Variants in BBS9 observed in about 807,000 individuals in gnomAD.
BBS9 encodes Bardet-Biedl syndrome 9, also known as protein PTHB1.
In BBS9, 89 loss-of-function variants were observed where a neutral mutation model predicts 117.7. The observed-to-expected ratio is 0.76, with a 90% CI of 0.64 to 0.90. The LOEUF (loss-of-function observed/expected upper bound fraction) is 0.90, where lower values mean the gene tolerates loss of function less well. Ranked by LOEUF, BBS9 falls within the 40% of genes least tolerant of loss-of-function variation. The probability of loss-of-function intolerance (pLI) is 0.00; values close to 1 mark genes in which losing one functional copy is unlikely to be tolerated. For synonymous variants in BBS9, 379 were observed against 370.9 expected (o/e 1.02, Z -0.25); for missense variants, 982 against 1,042.2 (o/e 0.94, Z 0.80).
intron 9 of BBS9, among the ~76,000 whole-genome samples, chr7:33,292,722 A>C (rs1455760789): frequency 6.6e-6 from 1 of 152,056 alleles, no homozygotes; most frequent in Non-Finnish European, 1.5e-5. Flanking sequence ...TATAGAAAAA[A>C]GTTGGCCGGG....
intron 21 of BBS9, among the ~76,000 whole-genome samples, chr7:33,539,002 G>A (rs1420627665): frequency 1.3e-5 from 2 of 152,302 alleles, no homozygotes; most frequent in East Asian, 1.9e-4. Context: ...AAAATGCTTA[G>A]CAAGTACCTG....
At chr7:33,466,520 G>GTA (rs1487281341) in intron 19 of BBS9, among the ~76,000 whole-genome samples, 2 of 152,072 alleles carry the variant, frequency 1.3e-5, no homozygotes, top group Non-Finnish European at 2.9e-5. Flanking sequence ...GTATGTGTGT[G>GTA]TATATATATG....
chr7:33,554,629 A>G (rs770723431), intron 21 of BBS9, among the ~76,000 whole-genome samples: 2 of 151,956 alleles, frequency 1.3e-5, no homozygotes, highest in Non-Finnish European at 2.9e-5. Context: ...AGAATCGAAG[A>G]CTCAGTTTTG....
At chr7:33,351,172 A>G (rs1368126145) in intron 13 of BBS9, 47 bp from the exon 14 acceptor site, 1 of 1,293,708 alleles carries the variant, frequency 7.7e-7, no homozygotes, top group Non-Finnish European at 1.1e-6. Flanking sequence ...TGTTAATAAC[A>G]GTTGCCCCAA....
intron 19 of BBS9, among the ~76,000 whole-genome samples, chr7:33,493,629 G>A (rs772661418): frequency 6.6e-6 from 1 of 152,154 alleles, no homozygotes; most frequent in Non-Finnish European, 1.5e-5. Flanking sequence ...TGTCCTTTAG[G>A]TAGTAGACTA....
chr7:33,295,360 A>G (rs559872890), intron 9 of BBS9, among the ~76,000 whole-genome samples: 2 of 152,218 alleles, frequency 1.3e-5, no homozygotes, highest in African/African-American at 4.8e-5. Flanking sequence ...AACTTCAAAG[A>G]CTACAGATTA....
chr7:33,133,792 G>T (rs35195868), intron 1 of BBS9, among the ~76,000 whole-genome samples: 24,022 of 152,112 alleles, frequency 0.16, 2,076 homozygotes, highest in South Asian at 0.21. Context: ...ATGCACATAT[G>T]TTTTCATTGC....
intron 19 of BBS9, among the ~76,000 whole-genome samples, chr7:33,435,743 A>T (rs900642595): frequency 1.3e-5 from 2 of 152,210 alleles, no homozygotes; most frequent in African/African-American, 4.8e-5. Context: ...TGCATATTTT[A>T]TGGAGATATA....
intron 19 of BBS9, among the ~76,000 whole-genome samples, chr7:33,495,301 A>T (rs1844557505): frequency 6.6e-6 from 1 of 152,156 alleles, no homozygotes; most frequent in South Asian, 2.1e-4. Context: ...TACCTTAGCT[A>T]AAGGAATGCT....
intron 5 of BBS9, among the ~76,000 whole-genome samples, chr7:33,222,944 C>A (rs563656575): frequency 2.0e-5 from 3 of 149,742 alleles, no homozygotes; most frequent in South Asian, 2.1e-4. Context: ...CAGAGCAAGA[C>A]CCTGTCTCAA....
At chr7:33,443,880 C>T (rs957561430) in intron 19 of BBS9, among the ~76,000 whole-genome samples, 2 of 152,128 alleles carry the variant, frequency 1.3e-5, no homozygotes, top group South Asian at 4.1e-4. Context: ...TTATGAGTTA[C>T]CGAAACAGGG....
chr7:33,621,470 A>T (rs939284618), intron 21 of BBS9, among the ~76,000 whole-genome samples: 1 of 152,186 alleles, frequency 6.6e-6, no homozygotes. Flanking sequence ...TCAGGAAAAT[A>T]AATTAAACCA....
intron 19 of BBS9, among the ~76,000 whole-genome samples, chr7:33,465,594 C>A (rs184839585): frequency 1.2e-4 from 19 of 152,102 alleles, no homozygotes; most frequent in African/African-American, 4.3e-4. Context: ...CTTTCTGTGA[C>A]CTATCTGGGT....
intron 19 of BBS9, among the ~76,000 whole-genome samples, chr7:33,411,011 GTTTTTT>G (rs765425062): frequency 1.0e-5 from 1 of 96,424 alleles, no homozygotes; most frequent in Non-Finnish European, 2.2e-5. Flanking sequence ...AAATGTTGGT[GTTTTTT>G]TTTTTTTTTT....
Position 33,344,606 on chromosome 7 carries a change from C to G in BBS9, c.1301C>G (p.Thr434Ser). ...VSQATDVEVG[T>S]DLVPSVTVKV... ...CAAGCGACCGATGTTGAGGTGGGAACTGACCTTGTCCCTTCTGTCACGGTG... is the reference window on the plus strand; with the variant it reads ...CAAGCGACCGATGTTGAGGTGGGAAGTGACCTTGTCCCTTCTGTCACGGTG... The change falls in exon 12 of 23, where the codon ACT becomes AGT. Residue 434 changes from threonine (T) to serine (S), a missense_variant. By Grantham distance (58) the Thr-to-Ser change is moderately conservative. Transcript: ENST00000242067. 1.2e-6 allele frequency: 2 copies of G among 1,614,102 alleles called. No individual in the cohort carries two copies. The highest frequency in any genetic ancestry group is 1.7e-6 in the Non-Finnish European group (2 of 1,179,986).
chr7:33,490,880 G>A (rs956432566), intron 19 of BBS9, among the ~76,000 whole-genome samples: 3 of 152,168 alleles, frequency 2.0e-5, no homozygotes, highest in African/African-American at 7.2e-5. Flanking sequence ...CTTTCAAAGC[G>A]GTGTGGACAG....
At chr7:33,582,719 G>A (rs1408185858) in intron 21 of BBS9, among the ~76,000 whole-genome samples, 1 of 152,080 alleles carries the variant, frequency 6.6e-6, no homozygotes, top group Non-Finnish European at 1.5e-5. Flanking sequence ...GAGCAGATCT[G>A]CCACATTGTA....
chr7:33,283,735 A>G (rs1276935274), intron 9 of BBS9, among the ~76,000 whole-genome samples: 1 of 152,100 alleles, frequency 6.6e-6, no homozygotes, highest in Non-Finnish European at 1.5e-5. Context: ...TTCCACACAT[A>G]CATCTCTTCT....
intron 20 of BBS9, among the ~76,000 whole-genome samples, chr7:33,527,287 T>A (rs1474913098): frequency 1.3e-5 from 2 of 152,208 alleles, no homozygotes; most frequent in African/African-American, 4.8e-5. Flanking sequence ...CAGTTCGAGC[T>A]TCCTGGCTGC....
Sources: gnomAD v4.1 joint callset for allele counts (sites outside exome capture counted in the v4.1 genomes callset) on GRCh38, gnomAD v4.1.1 for gene constraint, MANE v1.5 for transcripts, NCBI Gene and HGNC (gene_info 2026-07-23, HGNC 2026-07-21) for gene names.